The following LY96 variants were observed in gnomAD, a reference collection of about 807,000 sequenced individuals.
LY96 encodes the protein myeloid differentiation protein-2.
LY96 carries 18 observed loss-of-function variants against 18.9 expected under a neutral mutation model. That is an observed-to-expected ratio of 0.95 (90% CI 0.66 to 1.41). The LOEUF (loss-of-function observed/expected upper bound fraction) is 1.41, where lower values mean the gene tolerates loss of function less well. Among genes scored for constraint, LY96 ranks in the 40% most tolerant of loss-of-function variants. The probability of loss-of-function intolerance (pLI) is 0.00; values close to 1 mark genes in which losing one functional copy is unlikely to be tolerated. For synonymous variants in LY96, 66 were observed against 62.6 expected (o/e 1.06, Z -0.26); for missense variants, 175 against 182.4 (o/e 0.96, Z 0.23).
intron 3 of LY96, among the ~76,000 whole-genome samples, chr8:74,012,625 T>C (rs1055057164): frequency 1.3e-5 from 2 of 152,132 alleles, no homozygotes; most frequent in African/African-American, 4.8e-5. Context: ...ACACAACCTA[T>C]GCAGGTAATG....
the LY96 span, among the ~76,000 whole-genome samples, chr8:74,063,443 T>C: frequency 6.6e-6 from 1 of 152,082 alleles, no homozygotes; most frequent in Non-Finnish European, 1.5e-5. Flanking sequence ...GATGATCCCT[T>C]TGTGTTTAAA....
intron 1 of LY96, among the ~76,000 whole-genome samples, chr8:74,002,853 C>T (rs1487753616): frequency 2.0e-5 from 3 of 152,162 alleles, no homozygotes; most frequent in Admixed American, 6.5e-5. Context: ...GGATTACAGG[C>T]ATGAGTCACC....
chr8:74,038,288 C>G, the LY96 span, among the ~76,000 whole-genome samples: 1 of 152,062 alleles, frequency 6.6e-6, no homozygotes, highest in Non-Finnish European at 1.5e-5. Flanking sequence ...TTAGGTATTA[C>G]TCATCTTTTA....
chr8:74,060,486 A>G, the LY96 span, among the ~76,000 whole-genome samples: 46 of 152,366 alleles, frequency 3.0e-4, no homozygotes, highest in Admixed American at 9.1e-4. Context: ...GAACACCTAG[A>G]CAGTGAACTC....
chr8:74,069,077 C>T, the LY96 span, among the ~76,000 whole-genome samples: 147 of 152,244 alleles, frequency 9.7e-4, no homozygotes, highest in African/African-American at 3.3e-3. Flanking sequence ...TGAGCCATTG[C>T]GCCTGGCCAG....
the LY96 span, among the ~76,000 whole-genome samples, chr8:74,061,125 C>T: frequency 2.6e-5 from 4 of 152,304 alleles, no homozygotes; most frequent in East Asian, 7.7e-4. Context: ...TCTCTAGGCT[C>T]CTGTGCCACC....
the LY96 span, among the ~76,000 whole-genome samples, chr8:74,083,944 C>T: frequency 6.6e-6 from 1 of 152,096 alleles, no homozygotes; most frequent in Non-Finnish European, 1.5e-5. Context: ...ACCTTGGCCT[C>T]CCAAAGTGCT....
At chr8:74,050,085 G>C in the LY96 span, among the ~76,000 whole-genome samples, 3 of 152,158 alleles carry the variant, frequency 2.0e-5, no homozygotes, top group African/African-American at 7.2e-5. Context: ...GTTCACACCT[G>C]TAATGCCAGC....
chr8:74,022,938 C>A (rs1035441326), intron 3 of LY96, among the ~76,000 whole-genome samples: 1 of 152,150 alleles, frequency 6.6e-6, no homozygotes, highest in Admixed American at 6.6e-5. Context: ...TCCTCCCCTG[C>A]CCCTTACACA....
At chr8:74,030,807 C>A (rs1388192981), downstream of LY96, among the ~76,000 whole-genome samples, 2 of 152,188 alleles carry the variant, frequency 1.3e-5, no homozygotes, top group Non-Finnish European at 2.9e-5. Context: ...AGGCTGTCAG[C>A]CTCCATTTAA....
the LY96 span, chr8:74,052,384 C>T: frequency 6.6e-6 from 1 of 152,250 alleles, no homozygotes. Context: ...CAGTTTAGCC[C>T]GTTGGCCTTG....
At chr8:74,065,925 G>A in the LY96 span, among the ~76,000 whole-genome samples, 1 of 152,142 alleles carries the variant, frequency 6.6e-6, no homozygotes, top group African/African-American at 2.4e-5. Flanking sequence ...TTGTTAACAA[G>A]TTATACATGG....
At chr8:74,054,620 C>CTTTTTTTCTTTT in the LY96 span, among the ~76,000 whole-genome samples, 408 of 70,596 alleles carry the variant, frequency 5.8e-3, 4 homozygotes, top group African/African-American at 0.019. Flanking sequence ...CCTTTTCCTT[C>CTTTTTTTCTTTT]TTTCTTTCTT....
At chr8:74,089,750 G>C in the LY96 span, among the ~76,000 whole-genome samples, 1 of 151,284 alleles carries the variant, frequency 6.6e-6, no homozygotes, top group Non-Finnish European at 1.5e-5. Context: ...TGGATAAATG[G>C]GGGGTGGGGG....
At chr8:73,992,684 G>A (rs1426432261) in intron 1 of LY96, among the ~76,000 whole-genome samples, 4 of 152,104 alleles carry the variant, frequency 2.6e-5, no homozygotes, top group Non-Finnish European at 5.9e-5. Flanking sequence ...CTCCTGGTGG[G>A]TTGCACTGAA....
intron 4 of LY96, among the ~76,000 whole-genome samples, chr8:74,027,999 T>C (rs1376828181): frequency 6.6e-6 from 1 of 152,240 alleles, no homozygotes; most frequent in Non-Finnish European, 1.5e-5. Context: ...AAAACTCGAT[T>C]GATCCTAAAT....
chr8:74,008,466 T>TGG (rs2131266629), intron 2 of LY96, among the ~76,000 whole-genome samples: 1 of 152,310 alleles, frequency 6.6e-6, no homozygotes, highest in Non-Finnish European at 1.5e-5. Context: ...ACAGACGCCA[T>TGG]GATATTCTTC....
the LY96 span, among the ~76,000 whole-genome samples, chr8:74,093,917 G>T: frequency 2.6e-5 from 4 of 152,142 alleles, no homozygotes; most frequent in Middle Eastern, 3.4e-3. Context: ...AATTATTTCT[G>T]CTCTATGTTG....
chr8:74,015,461 G>A (rs1012335869), intron 3 of LY96, among the ~76,000 whole-genome samples: 1 of 151,978 alleles, frequency 6.6e-6, no homozygotes, highest in Non-Finnish European at 1.5e-5. Context: ...CTTCTTCCTG[G>A]GTCCTTTCAC....
Sources: allele counts gnomAD v4.1 joint callset (sites outside exome capture counted in the v4.1 genomes callset), GRCh38; gene constraint gnomAD v4.1.1; transcripts MANE v1.5; gene names NCBI Gene and HGNC (gene_info 2026-07-23, HGNC 2026-07-21).